The following CIT variants were observed in gnomAD, a reference collection of about 807,000 sequenced individuals.
CIT encodes the protein citron Rho-interacting kinase.
A neutral mutation model predicts 272.7 loss-of-function variants in CIT; 79 were observed. The ratio of observed to expected loss-of-function variants is 0.29; its 90% CI spans 0.24 to 0.35. CIT has a LOEUF of 0.35. Ranked by LOEUF, CIT falls within the 10% of genes least tolerant of loss-of-function variation. CIT has a pLI of 1.00. For missense variants in CIT, 1,909 were observed against 2,618.3 expected, an observed-to-expected ratio of 0.73 and a Z score of 5.91; for synonymous variants, 948 against 995.6, an observed-to-expected ratio of 0.95 and a Z score of 0.90.
chr12:119,762,808 G>A (rs9737704), intron 19 of CIT, among the ~76,000 whole-genome samples: 8,622 of 152,244 alleles, frequency 0.057, 510 homozygotes, highest in African/African-American at 0.15. Context: ...AGGCTGACAC[G>A]GGTGGAGATC....
intron 2 of CIT, among the ~76,000 whole-genome samples, chr12:119,875,626 C>T (rs771486016): frequency 6.6e-6 from 1 of 152,088 alleles, no homozygotes; most frequent in South Asian, 2.1e-4. Context: ...GGCCTAGAGT[C>T]GACAGAAGAC....
chr12:119,820,554 T>A (rs1490773271), intron 9 of CIT, among the ~76,000 whole-genome samples: 5 of 151,606 alleles, frequency 3.3e-5, no homozygotes, highest in Non-Finnish European at 7.4e-5. Flanking sequence ...TCTCAAAAAA[T>A]AAATAAATAA....
Position 119,742,441 on chromosome 12 carries a change from G to A in CIT, c.2928C>T (p.Arg976=). 6.2e-7 allele frequency: 1 copy of A among 1,610,962 alleles called. No homozygotes were observed. Among genetic ancestry groups the A allele is most frequent in the Non-Finnish European group, 8.5e-7 (1 of 1,179,118 alleles). Residue 976 remains arginine, a synonymous_variant, in exon 24 of 48, where the codon CGC becomes CGT. Coordinates refer to ENST00000392521, the MANE Select transcript of CIT (RefSeq NM_001206999.2). ...AGCTGTTACGAAGAGCATCAAATTT[G>A]CGCTGGATTTCATCTCTATGTGCCT... The part of the protein sequence containing the change: ...ALTAHRDEIQ[R]KFDALRNSCT...
At chr12:119,801,516 T>TTCAGACGAGG (rs1172649422) in intron 10 of CIT, among the ~76,000 whole-genome samples, 1 of 152,164 alleles carries the variant, frequency 6.6e-6, no homozygotes, top group Non-Finnish European at 1.5e-5. Flanking sequence ...TCCCTCGTCT[T>TTCAGACGAGG]TCAGATCACT....
At chr12:119,772,697 C>A in intron 17 of CIT, 73 bp downstream of exon 17, 1 of 1,453,176 alleles carries the variant, frequency 6.9e-7, no homozygotes, top group South Asian at 1.4e-5. Flanking sequence ...AAGTGATGGT[C>A]TGGCAGTTTC....
At chr12:119,761,626 C>T (rs1440863894) in intron 19 of CIT, among the ~76,000 whole-genome samples, 1 of 152,016 alleles carries the variant, frequency 6.6e-6, no homozygotes, top group Admixed American at 6.6e-5. Flanking sequence ...CCACCAATAA[C>T]GTAGGTGGAT....
At position 119,690,028 on chromosome 12, in the gene CIT, CAA is replaced by C. The variant is rs1244605176; in HGVS notation, c.6186+121_6186+122del. ...TTTCTTCCTAAATTCCTGTGTCTCG[CAA>C]AGTCTGAATTACAGTCATGGAGTTC... On this transcript the variant is annotated intron_variant, in intron 47 of 47. Coordinates refer to ENST00000392521, the MANE Select transcript of CIT (RefSeq NM_001206999.2). This position sits in a 1 kb window ranked among gnomAD's most constrained non-coding sequence, Gnocchi z 6.0. 3 of 964,386 alleles carry C rather than the reference CAA, an allele frequency of 3.1e-6. No homozygotes were observed. Among genetic ancestry groups the C allele is most frequent in the Non-Finnish European group, 4.1e-6 (3 of 724,064 alleles). The allele number at this position is 964,386 out of a possible 1,614,324, so 59.7% of individuals were successfully genotyped here.
intron 3 of CIT, among the ~76,000 whole-genome samples, chr12:119,864,851 C>G (rs1161067583): frequency 6.6e-6 from 1 of 151,444 alleles, no homozygotes. Flanking sequence ...GATGCTCGTT[C>G]CCTTCCCTTC....
chr12:119,728,353 C>T lies in CIT; in HGVS notation c.3591+149G>A. The T allele has an allele frequency of 1.5e-6, 1 of 647,326 alleles. No individual in the cohort carries two copies. Among genetic ancestry groups the T allele is most frequent in the Admixed American group, 2.5e-5 (1 of 40,514 alleles). The allele number at this position is 647,326 out of a possible 1,614,324, so 40.1% of individuals were successfully genotyped here. On this transcript the variant is annotated intron_variant, in intron 28 of 47. Coordinates refer to ENST00000392521, the MANE Select transcript of CIT (RefSeq NM_001206999.2). The surrounding 1 kb of genome is among the most constrained non-coding windows in gnomAD (Gnocchi z 4.3). The stretch of plus-strand genomic sequence containing the variant: ...TACAGGGTGTTGATAGCTGGGGACA[C>T]TGTGGGAGGAGGAGACAGGGAGTAT...
At chr12:119,726,245 C>T (rs1958095569) in intron 28 of CIT, among the ~76,000 whole-genome samples, 1 of 151,808 alleles carries the variant, frequency 6.6e-6, no homozygotes, top group Admixed American at 6.6e-5. Flanking sequence ...TTGAGACAGG[C>T]TCTCACTCTG....
chr12:119,813,460 C>T (rs1966880164), intron 9 of CIT, among the ~76,000 whole-genome samples: 2 of 152,194 alleles, frequency 1.3e-5, no homozygotes, highest in Non-Finnish European at 2.9e-5. Context: ...ACTTCACCCT[C>T]AGAAAATGAG....
At chr12:119,815,991 TACC>T (rs897461471) in intron 9 of CIT, among the ~76,000 whole-genome samples, 1 of 152,212 alleles carries the variant, frequency 6.6e-6, no homozygotes, top group African/African-American at 2.4e-5. Flanking sequence ...GTTTGATTCC[TACC>T]ACTGCCAACT....
Position 119,824,037 on chromosome 12 carries a change from T to A in CIT, c.958-1064A>T, listed in dbSNP as rs1284500593. Among the ~76,000 whole-genome samples, 41 of 6,362 alleles carry A rather than the reference T, an allele frequency of 6.4e-3. 1 individual carries two copies. In the South Asian group the frequency reaches 0.13, roughly 21 times the overall value. The allele number at this position is 6,362 out of a possible 152,430, so 4.2% of individuals were successfully genotyped here. On this transcript the variant is annotated intron_variant, in intron 8 of 47. Transcript: ENST00000392521. ...CTGGGTAACAGAGCAAGACTCCATC[T>A]CAAAAAAAAAAAAAAAAAAAAAATA...
chr12:119,782,811 T>C, intron 12 of CIT, 174 bp from the exon 13 acceptor site: 2 of 669,252 alleles, frequency 3.0e-6, no homozygotes, highest in South Asian at 4.4e-5. Context: ...GTAAAACCCC[T>C]TGGTTCAAGA....
chr12:119,846,453 G>A (rs906925266), intron 5 of CIT, among the ~76,000 whole-genome samples: 3 of 152,318 alleles, frequency 2.0e-5, no homozygotes, highest in East Asian at 1.9e-4. Context: ...TTATGGAGCA[G>A]TGCAAGGTAG....
At chr12:119,793,956 G>A (rs1388283593) in intron 10 of CIT, among the ~76,000 whole-genome samples, 1 of 152,132 alleles carries the variant, frequency 6.6e-6, no homozygotes, top group African/African-American at 2.4e-5. Flanking sequence ...CCAGGTTCTC[G>A]AACAGCCCCT....
At chr12:119,752,523 G>T (rs1960398642) in intron 22 of CIT, among the ~76,000 whole-genome samples, 1 of 152,116 alleles carries the variant, frequency 6.6e-6, no homozygotes, top group Non-Finnish European at 1.5e-5. Context: ...AAAAGGAAAA[G>T]CCACACAGCA....
intron 2 of CIT, among the ~76,000 whole-genome samples, chr12:119,873,821 T>C (rs1007474603): frequency 6.6e-6 from 1 of 151,934 alleles, no homozygotes; most frequent in African/African-American, 2.4e-5. Context: ...TCATTCATCA[T>C]CTTACAGGTA....
intron 3 of CIT, among the ~76,000 whole-genome samples, chr12:119,864,913 T>G (rs1950472630): frequency 6.6e-6 from 1 of 152,148 alleles, no homozygotes; most frequent in African/African-American, 2.4e-5. Flanking sequence ...TCCTTCTCCT[T>G]CAGAGCTACA....
Sources: allele counts gnomAD v4.1 joint callset (sites outside exome capture counted in the v4.1 genomes callset), GRCh38; gene constraint gnomAD v4.1.1; non-coding constraint Gnocchi (gnomAD v3.1); transcripts MANE v1.5; gene names NCBI Gene and HGNC (gene_info 2026-07-23, HGNC 2026-07-21).